EIF4G3: variants seen among roughly 807,000 people sequenced by gnomAD.
EIF4G3 encodes eukaryotic translation initiation factor 4 gamma 3, also known as eIF-4-gamma 3.
In EIF4G3, 34 loss-of-function variants were observed where a neutral mutation model predicts 186.4. The ratio of observed to expected loss-of-function variants is 0.18; its 90% CI spans 0.14 to 0.24. The LOEUF is 0.24. EIF4G3 is among the 10% of genes least tolerant of loss of function. The pLI, the probability that EIF4G3 is intolerant of heterozygous loss-of-function variation, is 1.00. For missense variants in EIF4G3, 1,536 were observed against 1,948.5 expected, an observed-to-expected ratio of 0.79 and a Z score of 3.99; for synonymous variants, 673 against 679.5, an observed-to-expected ratio of 0.99 and a Z score of 0.15.
chr1:20,925,248 A>G (rs1165948977), intron 14 of EIF4G3, among the ~76,000 whole-genome samples: 1 of 152,232 alleles, frequency 6.6e-6, no homozygotes, highest in Admixed American at 6.5e-5. Flanking sequence ...TTTAGGGGTT[A>G]TTCATGATTT....
At chr1:20,835,628 G>A (rs889256686) in intron 30 of EIF4G3, among the ~76,000 whole-genome samples, 2 of 152,048 alleles carry the variant, frequency 1.3e-5, no homozygotes, top group African/African-American at 4.8e-5. Context: ...TAAACTCATA[G>A]ATATATACAA....
At chr1:21,071,817 A>G (rs866404270) in intron 3 of EIF4G3, among the ~76,000 whole-genome samples, 43 of 151,990 alleles carry the variant, frequency 2.8e-4, no homozygotes, top group African/African-American at 9.9e-4. Context: ...AAAAAAAAAA[A>G]AGAGAGAGAG....
At chr1:21,038,326 G>A (rs2093358602) in intron 4 of EIF4G3, among the ~76,000 whole-genome samples, 1 of 152,192 alleles carries the variant, frequency 6.6e-6, no homozygotes, top group African/African-American at 2.4e-5. Context: ...ATAAAGAGAT[G>A]CTGTTGGTTC....
At chr1:20,953,169 A>T (rs2096284179) in intron 12 of EIF4G3, among the ~76,000 whole-genome samples, 1 of 152,208 alleles carries the variant, frequency 6.6e-6, no homozygotes, top group Non-Finnish European at 1.5e-5. Context: ...AATATAAAAT[A>T]ACTCAATAAA....
At position 21,146,523 on chromosome 1, in the gene EIF4G3, G is replaced by A. The variant is rs1007956080; in HGVS notation, c.-272+29652C>T. On this transcript the variant is annotated intron_variant, in intron 2 of 36. Coordinates refer to ENST00000602326, the MANE Select transcript of EIF4G3 (RefSeq NM_001391906.1). ...CACCTGTAATCCCAGCACTTTGGGAGGCCAAAGCAGGTGAATCAGCTGAGG... is the reference window on the plus strand; with the variant it reads ...CACCTGTAATCCCAGCACTTTGGGAAGCCAAAGCAGGTGAATCAGCTGAGG... Among the ~76,000 whole-genome samples the A allele has an allele frequency of 6.6e-5, 10 of 152,234 alleles. 1 individual carries two copies. The highest frequency in any genetic ancestry group is 6.5e-4 in the Admixed American group (10 of 15,278).
At chr1:20,827,754 A>G in intron 31 of EIF4G3, 56 bp from the exon 32 acceptor site, 2 of 1,243,672 alleles carry the variant, frequency 1.6e-6, no homozygotes, top group Admixed American at 3.6e-5. Flanking sequence ...TTCTTCTAGA[A>G]CAAGAGGCAA....
At chr1:20,944,506 C>A (rs539496338) in intron 13 of EIF4G3, among the ~76,000 whole-genome samples, 1 of 145,010 alleles carries the variant, frequency 6.9e-6, no homozygotes, top group Admixed American at 7.0e-5. Context: ...TAGAGCAAGA[C>A]GCTGTCTCAA....
intron 21 of EIF4G3, 134 bp downstream of exon 21, chr1:20,864,979 ATGT>A: frequency 1.0e-6 from 1 of 975,230 alleles, no homozygotes; most frequent in Non-Finnish European, 1.5e-6. Context: ...AAACATTAAT[ATGT>A]TGTTTCTACA....
chr1:20,849,598 T>C, intron 28 of EIF4G3, 68 bp from the exon 29 acceptor site: 1 of 672,708 alleles, frequency 1.5e-6, no homozygotes. Context: ...GAGATTATGG[T>C]TGACAATATT....
intron 7 of EIF4G3, among the ~76,000 whole-genome samples, chr1:20,982,778 T>C (rs2078575021): frequency 6.6e-6 from 1 of 152,224 alleles, no homozygotes; most frequent in African/African-American, 2.4e-5. Flanking sequence ...GATCTGGCAT[T>C]GTCTAGCATC....
intron 3 of EIF4G3, among the ~76,000 whole-genome samples, chr1:21,078,861 G>A (rs568963439): frequency 1.4e-4 from 22 of 151,942 alleles, no homozygotes; most frequent in African/African-American, 5.1e-4. Flanking sequence ...GGCGTGCACC[G>A]GTAGTCCCAG....
At chr1:21,158,169 C>CTTTTT (rs71014163) in intron 2 of EIF4G3, among the ~76,000 whole-genome samples, 20 of 99,520 alleles carry the variant, frequency 2.0e-4, no homozygotes, top group East Asian at 2.7e-4. Flanking sequence ...AAATACATAG[C>CTTTTT]TTTTTTTTTT....
At chr1:21,131,451 GAAAAA>G (rs767743509) in intron 2 of EIF4G3, among the ~76,000 whole-genome samples, 3 of 85,238 alleles carry the variant, frequency 3.5e-5, no homozygotes, top group African/African-American at 1.2e-4. Context: ...GAATTTTCCA[GAAAAA>G]AAAAAAAAAA....
intron 4 of EIF4G3, chr1:21,003,799 T>G: frequency 2.4e-6 from 1 of 424,626 alleles, no homozygotes; most frequent in East Asian, 7.2e-5. Flanking sequence ...AATTTGCCAA[T>G]GTAAATTGCC....
At chr1:21,060,761 C>G (rs76075493) in intron 3 of EIF4G3, among the ~76,000 whole-genome samples, 1 of 130,778 alleles carries the variant, frequency 7.6e-6, no homozygotes, top group African/African-American at 2.9e-5. Flanking sequence ...CTGGTCAACA[C>G]AGCAAGATCC....
At chr1:20,963,992 A>G (rs895428840) in intron 12 of EIF4G3, among the ~76,000 whole-genome samples, 9 of 152,066 alleles carry the variant, frequency 5.9e-5, no homozygotes, top group Non-Finnish European at 1.3e-4. Context: ...TTGGAAGTAG[A>G]CAATCTTGAC....
intron 12 of EIF4G3, among the ~76,000 whole-genome samples, chr1:20,955,021 A>T (rs940201799): frequency 6.6e-6 from 1 of 152,202 alleles, no homozygotes; most frequent in African/African-American, 2.4e-5. Flanking sequence ...AGATTCTAAA[A>T]GGAAGAGTAT....
intron 33 of EIF4G3, among the ~76,000 whole-genome samples, chr1:20,818,113 T>C (rs1318670057): frequency 2.0e-5 from 3 of 152,184 alleles, no homozygotes; most frequent in East Asian, 3.8e-4. Context: ...GCAAATAATC[T>C]TGAGCTTCAA....
At chr1:20,873,940 G>A (rs1320122564) in intron 20 of EIF4G3, among the ~76,000 whole-genome samples, 3 of 152,004 alleles carry the variant, frequency 2.0e-5, no homozygotes, top group Non-Finnish European at 2.9e-5. Flanking sequence ...AACATGCAGT[G>A]CTTAGTTTTC....
Sources: gnomAD v4.1 joint callset for allele counts (sites outside exome capture counted in the v4.1 genomes callset) on GRCh38, gnomAD v4.1.1 for gene constraint, MANE v1.5 for transcripts, NCBI Gene and HGNC (gene_info 2026-07-23, HGNC 2026-07-21) for gene names.